The following LMF2 variants were observed in gnomAD, a reference collection of about 807,000 sequenced individuals.
LMF2 encodes the protein lipase maturation factor 2.
LMF2 carries 113 observed loss-of-function variants against 81.5 expected under a neutral mutation model. The observed-to-expected ratio is 1.39, with a 90% CI of 1.19 to 1.62. The LOEUF (loss-of-function observed/expected upper bound fraction) is 1.62. LMF2 is among the 40% of genes most tolerant of loss of function. LMF2 has a pLI of 0.00. For missense variants in LMF2, 1,235 were observed against 929.1 expected (o/e 1.33, Z -4.28); for synonymous variants, 645 against 424.5 (o/e 1.52, Z -6.39).
rs780139990 is a variant in LMF2, at chr22:50,505,434, G to T, written c.1020C>A (p.Asp340Glu). Reference sequence around the variant, plus strand: ...TGGAGTGGATGGTGCGCTGCTGCCAGTCAACCTCCAGGCCAAAGTAGTGCA... The same window carrying T: ...TGGAGTGGATGGTGCGCTGCTGCCATTCAACCTCCAGGCCAAAGTAGTGCA... ...GTVHYFGLEV[D>E]WQQRTIHSRT... Residue 340 changes from aspartate (D) to glutamate (E), a missense_variant, in exon 7 of 14, where the codon GAC (aspartate) becomes GAA (glutamate). By Grantham distance (45) the Asp-to-Glu change is conservative (BLOSUM62 2). Transcript: ENST00000474879. The T allele has an allele frequency of 6.2e-7, 1 of 1,613,104 alleles. No individual in the cohort carries two copies. Among genetic ancestry groups the T allele is most frequent in the Non-Finnish European group, 8.5e-7 (1 of 1,180,036 alleles).
In LMF2 at chr22:50,504,900, G is replaced by A. The variant is rs768551708; in HGVS notation, c.1339C>T (p.Gln447Ter). The change falls in exon 10 of 14, where the codon CAG (glutamine) becomes TAG (stop). Residue 447 changes from glutamine (Q) to a stop codon, truncating the protein, a stop_gained. Coordinates refer to ENST00000474879, the MANE Select transcript of LMF2 (RefSeq NM_033200.3). LOFTEE classifies it high-confidence loss of function. Reference protein sequence around the residue: ...HRLFGAVEHLQLANSYGLFRR... With the variant: ...HRLFGAVEHL The stretch of plus-strand genomic sequence containing the variant: ...AAGAGGCCGTAGGAGTTGGCCAGCT[G>A]TAGGTGCTCCACGGCACCAAACAGG... 6 of 1,609,468 alleles carry A rather than the reference G, an allele frequency of 3.7e-6. No individual in the cohort carries two copies. Among genetic ancestry groups the A allele is most frequent in the African/African-American group, 1.3e-5 (1 of 74,804 alleles).
chr22:50,505,082 G>T lies in LMF2; in HGVS notation c.1229C>A (p.Thr410Asn). The change falls in exon 9 of 14, where the codon ACC becomes AAC. Residue 410 changes from threonine to asparagine, a missense_variant. Physicochemically the swap from Thr to Asn is moderately conservative, Grantham distance 65. Coordinates refer to ENST00000474879, the MANE Select transcript of LMF2 (RefSeq NM_033200.3). ...CAGGCTAATCAGGAACAAGGCCACGGTCGCAGTGCCCACAAGGGACAGTTG... is the reference window on the plus strand; with the variant it reads ...CAGGCTAATCAGGAACAAGGCCACGTTCGCAGTGCCCACAAGGGACAGTTG... ...VVQLSLVGTA[T>N]VALFLISLVP... is the part of the protein sequence containing the mutation. 2 of 1,612,992 alleles carry T rather than the reference G, an allele frequency of 1.2e-6. No homozygotes were observed. Among genetic ancestry groups the T allele is most frequent in the African/African-American group, 1.3e-5 (1 of 75,036 alleles).
chr22:50,504,780 T>C (rs771713203), intron 10 of LMF2, 22 bp downstream of exon 10: 6 of 1,604,014 alleles, frequency 3.7e-6, no homozygotes, highest in Non-Finnish European at 5.1e-6. Context: ...CCCACCACCC[T>C]GCCCGCCCTG....
At chr22:50,504,533 C>A (rs2068502452) in intron 11 of LMF2, 26 bp downstream of exon 11, 9 of 1,493,420 alleles carry the variant, frequency 6.0e-6, no homozygotes, top group South Asian at 1.2e-5. Flanking sequence ...CCAGCCCACT[C>A]CACACCCCCC....
In LMF2 at chr22:50,506,321, G is replaced by C. The variant is rs1255800896; in HGVS notation, c.559C>G (p.Leu187Val). 1 of 1,549,498 alleles carries C rather than the reference G, an allele frequency of 6.5e-7. No individual in the cohort carries two copies. The highest frequency in any genetic ancestry group is 8.7e-7 in the Non-Finnish European group (1 of 1,146,780). ...RLMFASGVVK[L>V]TSRCPAWWGL... ...CACCACGCAGGGCAGCGGCTGGTCA[G>C]CTTGACCACGCCTGAGGCGAACATG... is the stretch of plus-strand genomic sequence containing the variant. Residue 187 changes from leucine to valine, a missense_variant, in exon 4 of 14, where the codon CTG becomes GTG. Leu to Val is a conservative substitution (Grantham distance 32). Transcript: ENST00000474879.
In LMF2 at chr22:50,507,163, C is replaced by A. The variant is rs992231410; in HGVS notation, c.95-128G>T. The A allele has an allele frequency of 1.9e-5, 27 of 1,406,280 alleles. No homozygotes were observed. In the African/African-American group the frequency reaches 3.6e-4, roughly 19 times the overall value. The allele number at this position is 1,406,280 out of a possible 1,614,324, so 87.1% of individuals were successfully genotyped here. A position where few individuals can be genotyped will look rare whatever the true frequency, so the allele number is the denominator to read the frequency against. Reference sequence around the variant, plus strand: ...GATACCTCCATCCCTAGGTCAGAGTCTGCAGTCCCTCCAGAGCCCGTCCCC... The same window carrying A: ...GATACCTCCATCCCTAGGTCAGAGTATGCAGTCCCTCCAGAGCCCGTCCCC... On this transcript the variant is annotated intron_variant, in intron 1 of 13. Transcript: ENST00000474879.
chr22:50,505,943 C>G, intron 5 of LMF2, 92 bp downstream of exon 5: 1 of 1,560,146 alleles, frequency 6.4e-7, no homozygotes, highest in Non-Finnish European at 8.7e-7. Context: ...CAGCTGTCCC[C>G]GGGAGCCACG....
At chr22:50,507,165 G>C (rs2068609118) in intron 1 of LMF2, 130 bp from the exon 2 acceptor site, 1 of 1,401,756 alleles carries the variant, frequency 7.1e-7, no homozygotes, top group East Asian at 2.5e-5. Flanking sequence ...GTCAGAGTCT[G>C]CAGTCCCTCC....
intron 1 of LMF2, 49 bp downstream of exon 1, chr22:50,507,533 A>T: frequency 1.5e-6 from 2 of 1,360,368 alleles, no homozygotes; most frequent in East Asian, 2.5e-5. Context: ...AAAAGAGGAC[A>T]TAGGGTCCCG....
At position 50,503,608 on chromosome 22, in the gene LMF2, G is replaced by A. The variant is rs2068463701; in HGVS notation, c.1907C>T (p.Pro636Leu). The change falls in exon 14 of 14, where the codon CCC becomes CTC. Residue 636 changes from proline to leucine, a missense_variant. Physicochemically the swap from Pro to Leu is moderately conservative, Grantham distance 98 (BLOSUM62 -3). Coordinates refer to ENST00000474879, the MANE Select transcript of LMF2 (RefSeq NM_033200.3). ...CATGAGGAGCCCCCAGAGCAGGGCG[G>A]GGGCCTCCAGGGGAGACAGCTGAGA... is the stretch of plus-strand genomic sequence containing the variant. ...TRSQLSPLEA[P>L]ALLWGLLMAV... 6.4e-7 allele frequency: 1 copy of A among 1,567,776 alleles called. No individual in the cohort carries two copies. The highest frequency in any genetic ancestry group is 1.4e-5 in the African/African-American group (1 of 73,912).
chr22:50,505,654 G>T lies in LMF2; in HGVS notation c.916+20C>A. The T allele has an allele frequency of 6.2e-7, 1 of 1,612,428 alleles. No individual in the cohort carries two copies. The highest frequency in any genetic ancestry group is 2.2e-5 in the East Asian group (1 of 44,880). On this transcript the variant is annotated intron_variant, in intron 6 of 13. Coordinates refer to ENST00000474879, the MANE Select transcript of LMF2 (RefSeq NM_033200.3). ...GGGAGAACCCCTGGGAGGGCAGGGGGCTGGACAAGTGACACGCACAGGTGG... is the reference window on the plus strand; with the variant it reads ...GGGAGAACCCCTGGGAGGGCAGGGGTCTGGACAAGTGACACGCACAGGTGG...
At chr22:50,505,207 C>T in intron 8 of LMF2, 22 bp downstream of exon 8, 1 of 1,612,912 alleles carries the variant, frequency 6.2e-7, no homozygotes, top group Non-Finnish European at 8.5e-7. Flanking sequence ...TGTGCCCCCT[C>T]CCTGCTTCCT....
Position 50,504,329 on chromosome 22 carries a change from C to T in LMF2, c.1718+11G>A, listed in dbSNP as rs183650051. The stretch of plus-strand genomic sequence containing the variant: ...CCCGGGCTCCACACCCCACCCGGTG[C>T]CCAGCCTTACCCCTGCTCCCCAGGC... On this transcript the variant is annotated intron_variant, in intron 12 of 13. Coordinates refer to ENST00000474879, the MANE Select transcript of LMF2 (RefSeq NM_033200.3). The T allele has an allele frequency of 8.7e-6, 14 of 1,603,336 alleles. 1 individual carries two copies. The African/African-American group carries it at 1.9e-4, about 22-fold the overall frequency.
chr22:50,507,533 A>G, intron 1 of LMF2, 49 bp downstream of exon 1: 1 of 1,360,368 alleles, frequency 7.4e-7, no homozygotes, highest in South Asian at 1.2e-5. Context: ...AAAAGAGGAC[A>G]TAGGGTCCCG....
At chr22:50,504,495 G>GCCCCCCCCCCCCCCCCCCCCC (rs1603439179) in intron 11 of LMF2, 44 bp from the exon 12 acceptor site, 13 of 1,339,576 alleles carry the variant, frequency 9.7e-6, no homozygotes, top group South Asian at 3.7e-5. Flanking sequence ...TACCCGCCCT[G>GCCCCCCCCCCCCCCCCCCCCC]CCCCTCCCCT....
chr22:50,503,898 C>T lies in LMF2; in HGVS notation c.1725G>A (p.Trp575Ter). 6.2e-7 allele frequency: 1 copy of T among 1,604,884 alleles called. No homozygotes were observed. The highest frequency in any genetic ancestry group is 8.5e-7 in the Non-Finnish European group (1 of 1,179,336). ...WFSQPGEQGQ[W>*]WRRQWVEEFF... ...ACTCCTCCACCCACTGGCGCCGCCA[C>T]CACTGGCTGCAGCAGGACCCGATGT... is the stretch of plus-strand genomic sequence containing the variant. Residue 575 changes from tryptophan to a stop codon, truncating the protein, a stop_gained, in exon 13 of 14, where the codon TGG (tryptophan) becomes TGA (stop). Transcript: ENST00000474879. LOFTEE classifies it high-confidence loss of function.
Position 50,506,039 on chromosome 22 carries a change from G to A in LMF2, c.770C>T (p.Ser257Leu), listed in dbSNP as rs759857063. 15 of 1,583,244 alleles carry A rather than the reference G, an allele frequency of 9.5e-6. No individual in the cohort carries two copies. The highest frequency in any genetic ancestry group is 8.1e-5 in the African/African-American group (6 of 74,464). Residue 257 changes from serine to leucine, a missense_variant, in exon 5 of 14, where the codon TCG becomes TTG. Ser to Leu is a moderately radical substitution (Grantham distance 145). Transcript: ENST00000474879. ...ACAGCTGCGGCCCTCACCCACCTGC[G>A]AGTAGAAAGCAGCCAAGCGCAGGCG... ...IRRLRLAAFYSQVLLQVLIII... is the reference protein window; with the variant it reads ...IRRLRLAAFYLQVLLQVLIII...
Position 50,506,076 on chromosome 22 carries a change from C to T in LMF2, c.733G>A (p.Ala245Thr), listed in dbSNP as rs2068555689. ...IEIAVPPLFF[A>T]PIRRLRLAAF... is the part of the protein sequence containing the mutation. ...GCCAAGCGCAGGCGTCGAATGGGGG[C>T]GAAGAACAGGGGCGGCACAGCGATC... The change falls in exon 5 of 14, where the codon GCC becomes ACC. Residue 245 changes from alanine (A) to threonine (T), a missense_variant. Coordinates refer to ENST00000474879, the MANE Select transcript of LMF2 (RefSeq NM_033200.3). 8 of 1,592,016 alleles carry T rather than the reference C, an allele frequency of 5.0e-6. No individual in the cohort carries two copies. Among genetic ancestry groups the T allele is most frequent in the South Asian group, 1.1e-5 (1 of 88,066 alleles).
In LMF2 at chr22:50,506,415, G is replaced by A. The variant is rs1170122214; in HGVS notation, c.465C>T (p.Gly155=). ...PASHRKEAPQ[G]RQAGALPHED... Reference sequence around the variant, plus strand: ...CGTGGGGCAGGGCCCCTGCCTGCCTGCCCTGGGGGGCCTCCTTGCGGTGGG... The same window carrying A: ...CGTGGGGCAGGGCCCCTGCCTGCCTACCCTGGGGGGCCTCCTTGCGGTGGG... Residue 155 remains glycine, a synonymous_variant, in exon 4 of 14, where the codon GGC becomes GGT. Transcript: ENST00000474879. The A allele has an allele frequency of 6.5e-7, 1 of 1,550,200 alleles. No individual in the cohort carries two copies. The highest frequency in any genetic ancestry group is 1.2e-5 in the South Asian group (1 of 84,246).
Sources: allele counts gnomAD v4.1 joint callset, GRCh38; gene constraint gnomAD v4.1.1; transcripts MANE v1.5; gene names NCBI Gene and HGNC (gene_info 2026-07-23, HGNC 2026-07-21).